Variants in PDE8A observed in about 807,000 individuals in gnomAD.
PDE8A encodes phosphodiesterase 8A.
A neutral mutation model predicts 105.0 loss-of-function variants in PDE8A; 59 were observed. The ratio of observed to expected loss-of-function variants is 0.56; its 90% CI spans 0.46 to 0.70. The LOEUF (loss-of-function observed/expected upper bound fraction) is 0.70, where lower values mean the gene tolerates loss of function less well. Ranked by LOEUF, PDE8A falls within the 30% of genes least tolerant of loss-of-function variation. PDE8A has a pLI of 0.00. For synonymous variants in PDE8A, 355 were observed against 371.9 expected, an observed-to-expected ratio of 0.95 and a Z score of 0.52; for missense variants, 1,014 against 1,045.9, an observed-to-expected ratio of 0.97 and a Z score of 0.42.
In PDE8A at chr15:84,982,295, AC is replaced by A; in HGVS notation, c.136del (p.Arg46AlafsTer18). 1 of 1,377,550 alleles carries A rather than the reference AC, an allele frequency of 7.3e-7. No individual in the cohort carries two copies. The highest frequency in any genetic ancestry group is 9.3e-7 in the Non-Finnish European group (1 of 1,076,104). The allele number at this position is 1,377,550 out of a possible 1,614,324, so 85.3% of individuals were successfully genotyped here. ...QGQKTAALPR[T>X]RGAGLLESEL... is the part of the protein sequence containing the mutation. ...CCAGAAGACGGCCGCCTTGCCCCGG[AC>A]CCGCGGCGCCGGCCTCTTGGAGTCG... On this transcript the variant is annotated frameshift_variant, in exon 1 of 22. Coordinates refer to ENST00000394553, the MANE Select transcript of PDE8A (RefSeq NM_002605.3). LOFTEE classifies it high-confidence loss of function.
At chr15:84,992,730 A>T (rs796910662) in intron 1 of PDE8A, among the ~76,000 whole-genome samples, 2 of 152,266 alleles carry the variant, frequency 1.3e-5, no homozygotes, top group African/African-American at 4.8e-5. Flanking sequence ...TTGGTGAGTG[A>T]AAGGGCGGAG....
At chr15:85,093,094 G>A (rs981408872) in intron 8 of PDE8A, among the ~76,000 whole-genome samples, 3 of 152,096 alleles carry the variant, frequency 2.0e-5, no homozygotes, top group Non-Finnish European at 2.9e-5. Flanking sequence ...TTGTAGAGAC[G>A]GGTTCTCTGT....
At chr15:85,118,135 T>C (rs1201837651) in intron 17 of PDE8A, among the ~76,000 whole-genome samples, 1 of 152,208 alleles carries the variant, frequency 6.6e-6, no homozygotes, top group Non-Finnish European at 1.5e-5. Context: ...ACTCCAAGCC[T>C]GTACACTAGT....
At position 85,029,068 on chromosome 15, in the gene PDE8A, T is replaced by TAA. The variant is rs941974706; in HGVS notation, c.187-35302_187-35301insAA. 3.6e-4 allele frequency among the ~76,000 whole-genome samples: 55 copies of TAA among 152,280 alleles called. 1 individual carries two copies. The highest frequency in any genetic ancestry group is 1.3e-3 in the African/African-American group (54 of 41,560). On this transcript the variant is annotated intron_variant, in intron 1 of 21. Coordinates refer to ENST00000394553, the MANE Select transcript of PDE8A (RefSeq NM_002605.3). ...CTACTTTGGAGAGGGCATTTAGTAT[T>TAA]TCATTTAGGAATTCTTATTTGCCTG...
chr15:85,053,170 A>G (rs2081003746), intron 1 of PDE8A, among the ~76,000 whole-genome samples: 1 of 152,020 alleles, frequency 6.6e-6, no homozygotes, highest in Non-Finnish European at 1.5e-5. Flanking sequence ...GTTCTGTTCC[A>G]TTGGTCTATA....
intron 1 of PDE8A, among the ~76,000 whole-genome samples, chr15:85,033,614 C>G (rs888348844): frequency 1.3e-5 from 2 of 152,154 alleles, no homozygotes; most frequent in Non-Finnish European, 2.9e-5. Flanking sequence ...CTTGTAATCC[C>G]AGCACTTTGG....
intron 8 of PDE8A, among the ~76,000 whole-genome samples, chr15:85,093,758 C>T (rs2081690101): frequency 6.6e-6 from 1 of 152,192 alleles, no homozygotes; most frequent in Non-Finnish European, 1.5e-5. Context: ...TGACTCTTCT[C>T]TTTTTTCTTC....
At chr15:85,045,196 C>T (rs2080868718) in intron 1 of PDE8A, among the ~76,000 whole-genome samples, 2 of 152,220 alleles carry the variant, frequency 1.3e-5, no homozygotes, top group Non-Finnish European at 2.9e-5. Context: ...CTCTCCATCA[C>T]ATCTTTCCCT....
intron 1 of PDE8A, among the ~76,000 whole-genome samples, chr15:85,018,010 A>T (rs1354179961): frequency 6.6e-6 from 1 of 151,676 alleles, no homozygotes; most frequent in Non-Finnish European, 1.5e-5. Context: ...GATTATTTCT[A>T]CTCTCAATTC....
chr15:85,000,000 T>C (rs1425634338), intron 1 of PDE8A, among the ~76,000 whole-genome samples: 1 of 152,190 alleles, frequency 6.6e-6, no homozygotes, highest in African/African-American at 2.4e-5. Flanking sequence ...TGCAATACAG[T>C]TAAAAAGAGC....
intron 5 of PDE8A, among the ~76,000 whole-genome samples, chr15:85,081,737 T>G (rs1252578927): frequency 3.3e-5 from 5 of 152,108 alleles, no homozygotes; most frequent in Non-Finnish European, 5.9e-5. Context: ...GAACAGTGTT[T>G]AAACACGCAT....
chr15:85,082,017 CT>C (rs2081475161), intron 5 of PDE8A, among the ~76,000 whole-genome samples: 1 of 152,162 alleles, frequency 6.6e-6, no homozygotes, highest in Non-Finnish European at 1.5e-5. Flanking sequence ...GGACCCCTGT[CT>C]ATCTCAAGGC....
chr15:84,982,461 T>A lies in PDE8A; in HGVS notation c.186+113T>A. ...CCCACCCGGCCTCGGTGCCCTCTTG[T>A]CCCGCTTTGGATGGTTCTGATTGAC... On this transcript the variant is annotated intron_variant, in intron 1 of 21. Transcript: ENST00000394553. 5.1e-6 allele frequency: 3 copies of A among 593,040 alleles called. No individual in the cohort carries two copies. The South Asian group carries it at 1.3e-4, about 26-fold the overall frequency. The allele number at this position is 593,040 out of a possible 1,614,324, so 36.7% of individuals were successfully genotyped here.
At chr15:85,067,893 G>A (rs1015308945) in intron 3 of PDE8A, among the ~76,000 whole-genome samples, 1 of 152,066 alleles carries the variant, frequency 6.6e-6, no homozygotes, top group African/African-American at 2.4e-5. Flanking sequence ...TACACTCCTG[G>A]TAGTCAGACT....
chr15:85,033,740 C>T (rs564042732), intron 1 of PDE8A, among the ~76,000 whole-genome samples: 1 of 152,262 alleles, frequency 6.6e-6, no homozygotes, highest in African/African-American at 2.4e-5. Flanking sequence ...TGGCGGGCGC[C>T]TGTAATCCCA....
At chr15:85,009,042 T>C (rs1227812045) in intron 1 of PDE8A, among the ~76,000 whole-genome samples, 2 of 151,954 alleles carry the variant, frequency 1.3e-5, no homozygotes, top group Non-Finnish European at 2.9e-5. Flanking sequence ...GGAAGTGTCC[T>C]TCACACAACT....
At chr15:84,990,231 T>A (rs1184429646) in intron 1 of PDE8A, among the ~76,000 whole-genome samples, 1 of 152,210 alleles carries the variant, frequency 6.6e-6, no homozygotes, top group Non-Finnish European at 1.5e-5. Context: ...TTTACATTTT[T>A]AAATGTGAAA....
chr15:85,085,456 T>C (rs919261066), intron 6 of PDE8A, among the ~76,000 whole-genome samples: 5 of 152,058 alleles, frequency 3.3e-5, no homozygotes, highest in African/African-American at 1.2e-4. Context: ...TCCCACCACT[T>C]TGGGAGACTG....
At chr15:85,000,071 C>T (rs1286808601) in intron 1 of PDE8A, among the ~76,000 whole-genome samples, 2 of 152,160 alleles carry the variant, frequency 1.3e-5, no homozygotes, top group African/African-American at 2.4e-5. Context: ...GGCTTTGGTA[C>T]TTATTTAGCT....
Sources: gnomAD v4.1 joint callset for allele counts (sites outside exome capture counted in the v4.1 genomes callset) on GRCh38, gnomAD v4.1.1 for gene constraint, MANE v1.5 for transcripts, NCBI Gene and HGNC (gene_info 2026-07-23, HGNC 2026-07-21) for gene names.